Variants in CRYBB2 observed in about 807,000 individuals in gnomAD.
The protein encoded by CRYBB2 is beta-crystallin B2.
A neutral mutation model predicts 24.3 loss-of-function variants in CRYBB2; 12 were observed. The observed-to-expected ratio is 0.49, with a 90% CI of 0.32 to 0.80. The LOEUF (loss-of-function observed/expected upper bound fraction) is 0.80, where lower values mean the gene tolerates loss of function less well. CRYBB2 is among the 30% of genes least tolerant of loss of function. The pLI is 0.04. For missense variants in CRYBB2, 198 were observed against 268.5 expected (o/e 0.74, Z 1.83); for synonymous variants, 98 against 101.6 (o/e 0.96, Z 0.21).
At chr22:25,231,078 A>G (rs1429687950) in intron 5 of CRYBB2, among the ~76,000 whole-genome samples, 2 of 152,220 alleles carry the variant, frequency 1.3e-5, no homozygotes, top group Non-Finnish European at 2.9e-5. Context: ...AGGTGTCCAC[A>G]GAAACTGGCC....
intron 3 of CRYBB2, among the ~76,000 whole-genome samples, chr22:25,227,272 A>T (rs1393986227): frequency 6.6e-6 from 1 of 152,044 alleles, no homozygotes; most frequent in Non-Finnish European, 1.5e-5. Flanking sequence ...TCTAATGTGG[A>T]TCTACAAAAA....
intron 5 of CRYBB2, among the ~76,000 whole-genome samples, chr22:25,231,257 G>T (rs907549910): frequency 6.6e-6 from 1 of 152,030 alleles, no homozygotes; most frequent in African/African-American, 2.4e-5. Flanking sequence ...GGAGGGAGAC[G>T]GTTCAAAGGC....
intron 2 of CRYBB2, among the ~76,000 whole-genome samples, chr22:25,223,849 G>A (rs903470170): frequency 2.6e-5 from 4 of 152,108 alleles, no homozygotes; most frequent in Admixed American, 6.6e-5. Context: ...GGCCGGGCGC[G>A]GTGGCTCACG....
chr22:25,223,893 G>A (rs1270780826), intron 2 of CRYBB2, among the ~76,000 whole-genome samples: 1 of 152,164 alleles, frequency 6.6e-6, no homozygotes, highest in African/African-American at 2.4e-5. Context: ...GGCCGAGGCA[G>A]GCAGATCACG....
At chr22:25,218,794 G>GAA (rs1381162247), upstream of CRYBB2, among the ~76,000 whole-genome samples, 461 of 93,852 alleles carry the variant, frequency 4.9e-3, 31 homozygotes, top group South Asian at 0.022. Flanking sequence ...AAGAAAGAAA[G>GAA]AAAGAAAGAA....
In CRYBB2 at chr22:25,224,958, A is replaced by G. The variant is rs372174699; in HGVS notation, c.95A>G (p.His32Arg). Residue 32 changes from histidine to arginine, a missense_variant, in exon 3 of 6, where the codon CAT becomes CGT. His to Arg is a conservative substitution (Grantham distance 29). Transcript: ENST00000398215. ...FEQENFQGHS[H>R]ELNGPCPNLK... ...CAGGAAAACTTTCAAGGCCACTCGC[A>G]TGAGCTCAATGGGCCCTGCCCCAAC... 15 of 1,611,646 alleles carry G rather than the reference A, an allele frequency of 9.3e-6. No individual in the cohort carries two copies. The highest frequency in any genetic ancestry group is 1.3e-5 in the African/African-American group (1 of 74,864).
At chr22:25,218,777 G>A (rs57915182), upstream of CRYBB2, among the ~76,000 whole-genome samples, 6,222 of 25,304 alleles carry the variant, frequency 0.25, 646 homozygotes, top group South Asian at 0.35. Context: ...GAGAGAGAGA[G>A]AGAAGAAAGA....
intron 2 of CRYBB2, among the ~76,000 whole-genome samples, chr22:25,224,078 C>G (rs1466815102): frequency 1.3e-5 from 2 of 150,066 alleles, no homozygotes; most frequent in East Asian, 2.0e-4. Flanking sequence ...GAGCCGAGAT[C>G]GCGCCACTGC....
upstream of CRYBB2, among the ~76,000 whole-genome samples, chr22:25,218,814 G>GAAAGAAAGAAAGAAAGAAAGA (rs1569016406): frequency 7.4e-4 from 94 of 126,384 alleles, 7 homozygotes; most frequent in African/African-American, 2.9e-3. Flanking sequence ...AAGAAAGAAA[G>GAAAGAAAGAAAGAAAGAAAGA]AAAGAAAGAA....
At chr22:25,223,621 C>T (rs543919374) in intron 2 of CRYBB2, among the ~76,000 whole-genome samples, 38 of 152,278 alleles carry the variant, frequency 2.5e-4, no homozygotes, top group Non-Finnish European at 4.3e-4. Flanking sequence ...GGATTGAGCC[C>T]GTGGAATTTG....
chr22:25,211,986 T>C (rs1286641527), upstream of CRYBB2, among the ~76,000 whole-genome samples: 1 of 152,238 alleles, frequency 6.6e-6, no homozygotes, highest in Non-Finnish European at 1.5e-5. Flanking sequence ...TGTGCTTCTG[T>C]TGCCTCATCT....
chr22:25,221,717 T>C (rs1935325433), intron 2 of CRYBB2, among the ~76,000 whole-genome samples: 1 of 152,194 alleles, frequency 6.6e-6, no homozygotes, highest in Admixed American at 6.5e-5. Context: ...GAGACTTCAG[T>C]TTCTCTCTCC....
intron 4 of CRYBB2, among the ~76,000 whole-genome samples, chr22:25,229,037 T>C (rs1457011913): frequency 7.1e-6 from 1 of 140,476 alleles, no homozygotes; most frequent in Non-Finnish European, 1.6e-5. Flanking sequence ...TGTGCGTGCG[T>C]GTGTGCAAGT....
At chr22:25,230,206 G>T (rs1935506888) in intron 5 of CRYBB2, among the ~76,000 whole-genome samples, 1 of 150,004 alleles carries the variant, frequency 6.7e-6, no homozygotes, top group Non-Finnish European at 1.5e-5. Flanking sequence ...GCCCTGGCTG[G>T]AGTGCAGTGG....
chr22:25,216,644 T>C (rs1306556541), upstream of CRYBB2, among the ~76,000 whole-genome samples: 2 of 152,184 alleles, frequency 1.3e-5, no homozygotes, highest in Non-Finnish European at 2.9e-5. Flanking sequence ...AAATACTGCA[T>C]AGCATAAAAT....
chr22:25,217,306 TTTATG>T (rs1240855687), upstream of CRYBB2, among the ~76,000 whole-genome samples: 8 of 151,640 alleles, frequency 5.3e-5, no homozygotes, highest in Admixed American at 5.3e-4. Flanking sequence ...TGGGATTTAT[TTTATG>T]TTATTTATTT....
chr22:25,217,135 C>T (rs1046030003), upstream of CRYBB2, among the ~76,000 whole-genome samples: 2 of 151,106 alleles, frequency 1.3e-5, no homozygotes, highest in Non-Finnish European at 2.9e-5. Context: ...GGGGCACGTG[C>T]ACAGAAGTGG....
At chr22:25,218,777 G>GAAAAA (rs35584547), upstream of CRYBB2, among the ~76,000 whole-genome samples, 1 of 26,060 alleles carries the variant, frequency 3.8e-5, no homozygotes, top group Non-Finnish European at 6.5e-5. Flanking sequence ...GAGAGAGAGA[G>GAAAAA]AGAAGAAAGA....
chr22:25,231,313 C>T (rs906596089), intron 5 of CRYBB2, among the ~76,000 whole-genome samples: 1 of 129,940 alleles, frequency 7.7e-6, no homozygotes, highest in African/African-American at 2.8e-5. Flanking sequence ...CACCCCCTTG[C>T]TCTGACCCCA....
Sources: allele counts gnomAD v4.1 joint callset (sites outside exome capture counted in the v4.1 genomes callset), GRCh38; gene constraint gnomAD v4.1.1; transcripts MANE v1.5; gene names NCBI Gene and HGNC (gene_info 2026-07-23, HGNC 2026-07-21).